Variants in SACS observed in about 807,000 individuals in gnomAD.
SACS encodes the protein sacsin.
A neutral mutation model predicts 348.0 loss-of-function variants in SACS; 197 were observed. That is an observed-to-expected ratio of 0.57 (90% CI 0.50 to 0.64). SACS has a LOEUF of 0.64. Ranked by LOEUF, SACS falls within the 30% of genes least tolerant of loss-of-function variation. The pLI, the probability that SACS is intolerant of heterozygous loss-of-function variation, is 0.00. For missense variants in SACS, 4,999 were observed against 5,360.8 expected (o/e 0.93, Z 2.11); for synonymous variants, 1,985 against 1,910.6 (o/e 1.04, Z -1.02).
At chr13:23,365,501 T>A (rs953269276) in intron 5 of SACS, among the ~76,000 whole-genome samples, 1 of 152,152 alleles carries the variant, frequency 6.6e-6, no homozygotes, top group Non-Finnish European at 1.5e-5. Flanking sequence ...GCACTTAAAT[T>A]TTGTCTTTTA....
rs1593132012 is a variant in SACS at position 23,339,946 on chromosome 13, G to T, written c.3930C>A (p.Thr1310=). The T allele has an allele frequency of 6.2e-7, 1 of 1,613,932 alleles. No homozygotes were observed. The highest frequency in any genetic ancestry group is 1.6e-4 in the Middle Eastern group (1 of 6,062). ...TAAATAGTTGGTGGAATTTTGCCAT[G>T]GTTTTAGGTACATTATGCAAATAAG... ...LQPYLHNVPK[T]MAKFHQLFKV... Residue 1310 remains threonine (T), a synonymous_variant, in exon 10 of 10, where the codon ACC becomes ACA. Coordinates refer to ENST00000382292, the MANE Select transcript of SACS (RefSeq NM_014363.6).
At chr13:23,375,038 G>A in intron 3 of SACS, 81 bp downstream of exon 3, 1 of 1,306,824 alleles carries the variant, frequency 7.7e-7, no homozygotes. Context: ...GCGGAAACCT[G>A]CGTCGCCCAC....
rs1320290639 is a variant in SACS, at chr13:23,337,239, T to C, written c.6637A>G (p.Ile2213Val). The C allele has an allele frequency of 1.9e-6, 3 of 1,613,900 alleles. No homozygotes were observed. The highest frequency in any genetic ancestry group is 1.1e-5 in the South Asian group (1 of 91,064). Residue 2213 changes from isoleucine (I) to valine (V), a missense_variant, in exon 10 of 10, where the codon ATC (isoleucine) becomes GTC (valine). Transcript: ENST00000382292. Reference protein sequence around the residue: ...AKDFAAKYQTIRFLPFLTKPA... With the variant: ...AKDFAAKYQTVRFLPFLTKPA... ...TTTGTCAGAAATGGAAGGAAGCGGA[T>C]TGTTTGATATTTTGCAGCAAAATCC... is the stretch of plus-strand genomic sequence containing the variant.
intron 9 of SACS, among the ~76,000 whole-genome samples, chr13:23,350,265 G>A (rs955817169): frequency 2.0e-5 from 3 of 152,282 alleles, no homozygotes; most frequent in South Asian, 4.1e-4. Context: ...TGTTTGGAGT[G>A]ATAATAAATA....
chr13:23,371,207 C>A lies in SACS; in HGVS notation c.172-42G>T, dbSNP rs140799616. On this transcript the variant is annotated intron_variant, in intron 3 of 9. Transcript: ENST00000382292. ...GAAAATGTATGAAAAGCAATACAGT[C>A]TCTAATACTGTAAATTCAAGACATT... 9 of 1,201,160 alleles carry A rather than the reference C, an allele frequency of 7.5e-6. No homozygotes were observed. In the African/African-American group the frequency reaches 9.1e-5, roughly 12 times the overall value. 74.4% of individuals were successfully genotyped at this position (1,201,160 alleles called of 1,614,324 possible). A position where few individuals can be genotyped will look rare whatever the true frequency, so the allele number is the denominator to read the frequency against.
At chr13:23,423,996 A>G (rs1874058590) in intron 1 of SACS, among the ~76,000 whole-genome samples, 3 of 152,348 alleles carry the variant, frequency 2.0e-5, no homozygotes, top group African/African-American at 7.2e-5. Context: ...GCTGTTTTAT[A>G]TCACTGAATG....
intron 6 of SACS, among the ~76,000 whole-genome samples, chr13:23,363,893 G>C (rs1870902247): frequency 6.6e-6 from 1 of 152,128 alleles, no homozygotes; most frequent in Admixed American, 6.5e-5. Context: ...GTAGGATTAG[G>C]ACTTAACCTG....
At chr13:23,414,956 T>C (rs1873640681) in intron 1 of SACS, among the ~76,000 whole-genome samples, 1 of 152,250 alleles carries the variant, frequency 6.6e-6, no homozygotes, top group South Asian at 2.1e-4. Context: ...CAGAGATCAC[T>C]GTGTCCTCAT....
chr13:23,402,727 G>A (rs987652420), intron 2 of SACS, among the ~76,000 whole-genome samples: 1 of 152,162 alleles, frequency 6.6e-6, no homozygotes, highest in African/African-American at 2.4e-5. Context: ...TGCTTATGGA[G>A]TTCCCAGCCT....
chr13:23,339,845 T>C lies in SACS; in HGVS notation c.4031A>G (p.Asp1344Gly). 6.2e-7 allele frequency: 1 copy of C among 1,613,356 alleles called. No homozygotes were observed. The highest frequency in any genetic ancestry group is 8.5e-7 in the Non-Finnish European group (1 of 1,179,632). Residue 1344 changes from aspartate (D) to glycine (G), a missense_variant, in exon 10 of 10, where the codon GAC (aspartate) becomes GGC (glycine). Asp to Gly is a moderately conservative substitution (Grantham distance 94). This residue lies in a region of SACS where 3,156 missense variants were observed against 3,380.1 expected (regional missense o/e 0.93). Transcript: ENST00000382292. The part of the protein sequence containing the change: ...MVIQKIYLKS[D>G]QDLSEQESKQ... ...GCTTTCTTGTTCACTGAGATCTTGG[T>C]CACTTTTGAGATATATCTTCTGAAT...
chr13:23,413,070 C>T (rs1028372677), intron 1 of SACS, among the ~76,000 whole-genome samples: 2 of 152,102 alleles, frequency 1.3e-5, no homozygotes, highest in Non-Finnish European at 2.9e-5. Flanking sequence ...CTCTTCCTCC[C>T]GGGTTCAATC....
intron 4 of SACS, among the ~76,000 whole-genome samples, 178 bp downstream of exon 4, chr13:23,370,900 G>A (rs574600829): frequency 9.9e-5 from 15 of 152,236 alleles, no homozygotes; most frequent in Admixed American, 3.9e-4. Flanking sequence ...GCTGAGACAC[G>A]AGAATCACTT....
rs770454726 is a variant in SACS at position 23,341,598 on chromosome 13, A to G, written c.2278T>C (p.Leu760=). The G allele has an allele frequency of 7.4e-6, 12 of 1,613,858 alleles. No homozygotes were observed. Among genetic ancestry groups the G allele is most frequent in the Non-Finnish European group, 1.0e-5 (12 of 1,180,002 alleles). The stretch of plus-strand genomic sequence containing the variant: ...TCAAATGGATACCATTGAACAATCA[A>G]TTCTCTGCCAGGCCAGAATGTATTC... The part of the protein sequence containing the change: ...VMNTFWPGRE[L]IVQWYPFDEN... Residue 760 remains leucine, a synonymous_variant, in exon 10 of 10, where the codon TTG becomes CTG. Transcript: ENST00000382292.
chr13:23,408,776 T>C (rs1484751118), intron 2 of SACS, among the ~76,000 whole-genome samples: 1 of 151,896 alleles, frequency 6.6e-6, no homozygotes, highest in East Asian at 2.0e-4. Flanking sequence ...CCATCCTGGC[T>C]AACACGGTGA....
chr13:23,374,098 T>TTTATGTTA (rs1871591092), intron 3 of SACS: 3 of 152,240 alleles, frequency 2.0e-5, no homozygotes, highest in Non-Finnish European at 4.4e-5. Flanking sequence ...AAAGCTGAAC[T>TTTATGTTA]CTTTAAAAAA....
chr13:23,336,793 A>T lies in SACS; in HGVS notation c.7083T>A (p.Phe2361Leu), dbSNP rs1005179745. Residue 2361 changes from phenylalanine to leucine, a missense_variant, in exon 10 of 10, where the codon TTT becomes TTA. Transcript: ENST00000382292. The part of the protein sequence containing the change: ...NAYVDSEKVS[F>L]HLNFEAAPYL... ...ATGGTGCCGCCTCAAAATTTAAATGAAAAGAAACCTTTTCTGAGTCAACAT... is the reference window on the plus strand; with the variant it reads ...ATGGTGCCGCCTCAAAATTTAAATGTAAAGAAACCTTTTCTGAGTCAACAT... The T allele has an allele frequency of 6.2e-7, 1 of 1,613,906 alleles. No homozygotes were observed. Among genetic ancestry groups the T allele is most frequent in the Admixed American group, 1.7e-5 (1 of 59,998 alleles).
At chr13:23,351,432 G>A (rs944306185) in intron 9 of SACS, among the ~76,000 whole-genome samples, 4 of 152,228 alleles carry the variant, frequency 2.6e-5, no homozygotes, top group East Asian at 1.9e-4. Flanking sequence ...TGGTGTTCTC[G>A]TGGTAGCGAA....
intron 3 of SACS, among the ~76,000 whole-genome samples, chr13:23,374,887 T>C (rs1276858509): frequency 6.6e-6 from 1 of 151,894 alleles, no homozygotes; most frequent in Non-Finnish European, 1.5e-5. Context: ...AAAAAATCTC[T>C]GAATTTCAGA....
chr13:23,433,274 C>T (rs1196700620), intron 1 of SACS, among the ~76,000 whole-genome samples: 1 of 152,158 alleles, frequency 6.6e-6, no homozygotes, highest in Non-Finnish European at 1.5e-5. Context: ...AATGACAAAG[C>T]GGCTAGTCCA....
Sources: gnomAD v4.1 joint callset for allele counts (sites outside exome capture counted in the v4.1 genomes callset) on GRCh38, gnomAD v4.1.1 for gene constraint, gnomAD v4.1.1 regional missense constraint, MANE v1.5 for transcripts, NCBI Gene and HGNC (gene_info 2026-07-23, HGNC 2026-07-21) for gene names.